The following FOCAD variants were observed in gnomAD, a reference collection of about 807,000 sequenced individuals.
FOCAD encodes KIAA1797.
A neutral mutation model predicts 225.6 loss-of-function variants in FOCAD; 198 were observed. The ratio of observed to expected loss-of-function variants is 0.88; its 90% CI spans 0.78 to 0.99. FOCAD has a LOEUF of 0.99. Among genes scored for constraint, FOCAD ranks in the 50% least tolerant of loss-of-function variants. The pLI, the probability that FOCAD is intolerant of heterozygous loss-of-function variation, is 0.00. For missense variants in FOCAD, 2,713 were observed against 2,123.6 expected (o/e 1.28, Z -5.46); for synonymous variants, 897 against 755.0 (o/e 1.19, Z -3.08).
At chr9:20,775,843 A>C (rs776719257) in intron 8 of FOCAD, among the ~76,000 whole-genome samples, 1 of 151,860 alleles carries the variant, frequency 6.6e-6, no homozygotes, top group Non-Finnish European at 1.5e-5. Context: ...GCATTTACTC[A>C]TTTTTTGTAT....
chr9:20,733,767 C>T (rs866690452), intron 4 of FOCAD, among the ~76,000 whole-genome samples: 3 of 152,002 alleles, frequency 2.0e-5, no homozygotes, highest in East Asian at 3.9e-4. Context: ...TTTGAGAGGT[C>T]AAGGCAGAAG....
At chr9:20,759,111 TA>T (rs1163650332) in intron 6 of FOCAD, among the ~76,000 whole-genome samples, 16 of 151,914 alleles carry the variant, frequency 1.1e-4, no homozygotes, top group Non-Finnish European at 1.6e-4. Flanking sequence ...CTCAATGAAA[TA>T]AAAGAGGATA....
intron 4 of FOCAD, among the ~76,000 whole-genome samples, chr9:20,724,421 A>G (rs963465957): frequency 2.0e-5 from 3 of 152,182 alleles, no homozygotes; most frequent in African/African-American, 7.2e-5. Context: ...TAATAAGCAA[A>G]TATAGGAGTT....
chr9:20,991,695 C>T (rs969132183), intron 42 of FOCAD, among the ~76,000 whole-genome samples: 1 of 151,930 alleles, frequency 6.6e-6, no homozygotes, highest in Non-Finnish European at 1.5e-5. Flanking sequence ...TGCCTATAAT[C>T]CCAGCTACTC....
At chr9:20,712,249 A>G (rs1015352145) in intron 1 of FOCAD, among the ~76,000 whole-genome samples, 7 of 152,078 alleles carry the variant, frequency 4.6e-5, no homozygotes, top group Non-Finnish European at 8.8e-5. Flanking sequence ...TTGGTTCCCC[A>G]TGTCAGGTGA....
chr9:20,781,046 C>T (rs1430635537), intron 9 of FOCAD, among the ~76,000 whole-genome samples: 1 of 152,082 alleles, frequency 6.6e-6, no homozygotes, highest in Non-Finnish European at 1.5e-5. Context: ...TTTAGTAAAT[C>T]AGGGTTAATT....
chr9:20,666,374 A>C (rs1166361138), intron 2 of FOCAD, among the ~76,000 whole-genome samples: 2 of 152,096 alleles, frequency 1.3e-5, no homozygotes, highest in Admixed American at 6.6e-5. Flanking sequence ...GTTCGAGACC[A>C]ACCTGGGCAA....
chr9:20,784,865 A>C lies in FOCAD; in HGVS notation c.1197+2936A>C, dbSNP rs191129511. 5.9e-5 allele frequency among the ~76,000 whole-genome samples: 9 copies of C among 152,224 alleles called. No individual in the cohort carries two copies. The East Asian group carries it at 1.7e-3, about 29-fold the overall frequency. On this transcript the variant is annotated intron_variant, in intron 10 of 43. Transcript: ENST00000338382. ...TATTGAACATGTGTGATATGCCAGGAGTTATTATGTGGGCCAACTCGTATT... is the reference window on the plus strand; with the variant it reads ...TATTGAACATGTGTGATATGCCAGGCGTTATTATGTGGGCCAACTCGTATT...
At position 20,881,853 on chromosome 9, in the gene FOCAD, CCTT is replaced by C; in HGVS notation, c.2318-17_2318-15del. The C allele has an allele frequency of 6.2e-7, 1 of 1,610,252 alleles. No homozygotes were observed. The highest frequency in any genetic ancestry group is 8.5e-7 in the Non-Finnish European group (1 of 1,178,810). On this transcript the variant is annotated splice_polypyrimidine_tract_variant and intron_variant, in intron 19 of 43. Transcript: ENST00000338382. ...ATTGTATTTACTCTACTTTTGGTCT[CCTT>C]TTATCCTCTTTTAGCTTTGGAGGAA...
At position 20,852,797 on chromosome 9, in the gene FOCAD, A is replaced by G. The variant is rs79716514; in HGVS notation, c.1921-9781A>G. Among the ~76,000 whole-genome samples, 352 of 151,754 alleles carry G rather than the reference A, an allele frequency of 2.3e-3. 10 individuals carry two copies. The East Asian group carries it at 0.044, about 19-fold the overall frequency. On this transcript the variant is annotated intron_variant, in intron 15 of 43. Transcript: ENST00000338382. ...TACAGCCTCTTTAGCCCTTTTTAAC[A>G]TTTAGATGGATGATATTTTTATTCT...
chr9:20,836,695 C>G (rs1374555201), intron 15 of FOCAD, among the ~76,000 whole-genome samples: 1 of 151,926 alleles, frequency 6.6e-6, no homozygotes, highest in Non-Finnish European at 1.5e-5. Context: ...TTAACATTCA[C>G]TTTGTCACCC....
At chr9:20,673,701 C>T (rs1822145421) in intron 2 of FOCAD, among the ~76,000 whole-genome samples, 2 of 152,118 alleles carry the variant, frequency 1.3e-5, no homozygotes, top group South Asian at 4.1e-4. Context: ...CTCCCAGGCT[C>T]AAGCAGTCCT....
chr9:20,816,263 G>A (rs982414186), intron 11 of FOCAD, among the ~76,000 whole-genome samples: 1 of 152,112 alleles, frequency 6.6e-6, no homozygotes, highest in African/African-American at 2.4e-5. Context: ...TATACTCATT[G>A]CCCTTCTAAA....
Position 20,753,891 on chromosome 9 carries a change from C to T in FOCAD, c.393-4199C>T, listed in dbSNP as rs539003412. Among the ~76,000 whole-genome samples the T allele has an allele frequency of 7.9e-5, 12 of 152,054 alleles. No homozygotes were observed. The South Asian group carries it at 1.7e-3, about 21-fold the overall frequency. On this transcript the variant is annotated intron_variant, in intron 5 of 43. Transcript: ENST00000338382. ...ACTGTTAGATTTATTTACAAGTGAT[C>T]GGGCTGATTCATCAGCCCATCTATC... is the stretch of plus-strand genomic sequence containing the variant.
Position 20,986,268 on chromosome 9 carries a change from T to TTTTTTTTTTTTTTTTTTTTTTTTTG in FOCAD, c.4729-5_4729-4insTTTTTTTTTGTTTTTTTTTTTTTTT. 1.0e-6 allele frequency: 1 copy of TTTTTTTTTTTTTTTTTTTTTTTTTG among 993,820 alleles called. No individual in the cohort carries two copies. The highest frequency in any genetic ancestry group is 1.3e-6 in the Non-Finnish European group (1 of 759,858). 61.6% of individuals were successfully genotyped at this position (993,820 alleles called of 1,614,324 possible). A position where few individuals can be genotyped will look rare whatever the true frequency, so the allele number is the denominator to read the frequency against. On this transcript the variant is annotated intron_variant, in intron 39 of 43. Coordinates refer to ENST00000338382, the MANE Select transcript of FOCAD (RefSeq NM_001375567.1). ...GTTAATTTAATAGTAACTAAACAAT[T>TTTTTTTTTTTTTTTTTTTTTTTTTG]TTTTTTTTTTTTTTTGCAGAGCAAC...
At chr9:20,795,852 C>G (rs1319446254) in intron 11 of FOCAD, among the ~76,000 whole-genome samples, 1 of 142,554 alleles carries the variant, frequency 7.0e-6, no homozygotes, top group Non-Finnish European at 1.5e-5. Flanking sequence ...TTTTGTTATA[C>G]TTTAAGTTTT....
intron 11 of FOCAD, among the ~76,000 whole-genome samples, chr9:20,804,873 G>A (rs769790475): frequency 2.0e-5 from 3 of 151,280 alleles, no homozygotes; most frequent in Non-Finnish European, 2.9e-5. Flanking sequence ...GGGGGGTGGG[G>A]GTCACAGGGA....
chr9:20,712,952 C>G (rs542640689), intron 1 of FOCAD, among the ~76,000 whole-genome samples: 1 of 152,064 alleles, frequency 6.6e-6, no homozygotes, highest in East Asian at 2.0e-4. Context: ...AGGCTAGTCT[C>G]GAACTCCTGA....
upstream of FOCAD, among the ~76,000 whole-genome samples, chr9:20,680,487 G>A (rs1180501385): frequency 6.6e-6 from 1 of 152,186 alleles, no homozygotes; most frequent in Non-Finnish European, 1.5e-5. Flanking sequence ...GAACCCAGGA[G>A]GTGGAGGTTG....
Sources: allele counts gnomAD v4.1 joint callset (sites outside exome capture counted in the v4.1 genomes callset), GRCh38; gene constraint gnomAD v4.1.1; transcripts MANE v1.5; gene names NCBI Gene and HGNC (gene_info 2026-07-23, HGNC 2026-07-21).